Variants in KCNQ1 observed in about 807,000 individuals in gnomAD.
KCNQ1 encodes potassium voltage-gated channel subfamily KQT member 1.
KCNQ1 carries 49 observed loss-of-function variants against 72.4 expected under a neutral mutation model. That is an observed-to-expected ratio of 0.68 (90% CI 0.54 to 0.86). The LOEUF is 0.86. KCNQ1 is among the 40% of genes least tolerant of loss of function. The pLI is 0.00. For missense variants in KCNQ1, 790 were observed against 945.1 expected, an observed-to-expected ratio of 0.84 and a Z score of 2.15; for synonymous variants, 450 against 412.6, an observed-to-expected ratio of 1.09 and a Z score of -1.10.
chr11:2,805,990 C>T (rs1590101390), intron 15 of KCNQ1, among the ~76,000 whole-genome samples: 1 of 152,160 alleles, frequency 6.6e-6, no homozygotes, highest in South Asian at 2.1e-4. Context: ...GCAGCATTTG[C>T]GGGATGTTGG....
At chr11:2,571,242 C>T (rs1848328527) in intron 3 of KCNQ1, 83 bp from the exon 4 acceptor site, 1 of 1,176,746 alleles carries the variant, frequency 8.5e-7, no homozygotes, top group Admixed American at 1.7e-5. Context: ...GCCCCTTCCC[C>T]AGACGAGAGC....
intron 15 of KCNQ1, among the ~76,000 whole-genome samples, chr11:2,802,763 G>T (rs888246589): frequency 6.6e-6 from 1 of 152,124 alleles, no homozygotes; most frequent in Non-Finnish European, 1.5e-5. Flanking sequence ...CTGCGAGCTA[G>T]AGGGGAGAAG....
At position 2,654,232 on chromosome 11, in the gene KCNQ1, C is replaced by A; in HGVS notation, c.1394-7729C>A. On this transcript the variant is annotated intron_variant, in intron 10 of 15. Coordinates refer to ENST00000155840, the MANE Select transcript of KCNQ1 (RefSeq NM_000218.3). This position sits in a 1 kb window ranked among gnomAD's most constrained non-coding sequence, Gnocchi z 6.4. ...GGGCCTGGCTGCAGCTGTCCGGATGCCCCTGGGGAGGGCTTCTCCTTCACA... is the reference window on the plus strand; with the variant it reads ...GGGCCTGGCTGCAGCTGTCCGGATGACCCTGGGGAGGGCTTCTCCTTCACA... 1 of 398,700 alleles carries A rather than the reference C, an allele frequency of 2.5e-6. No homozygotes were observed. Among genetic ancestry groups the A allele is most frequent in the Non-Finnish European group, 4.4e-6 (1 of 226,188 alleles). The allele number at this position is 398,700 out of a possible 1,614,324, so 24.7% of individuals were successfully genotyped here.
At position 2,848,517 on chromosome 11, in the gene KCNQ1, C is replaced by T. The variant is rs1344840118; in HGVS notation, c.*514C>T. Reference sequence around the variant, plus strand: ...AAAGCCCAGGAGCCCATTTGGAGGGCCTGGGCCTGGCTCCCTCACTCTCAG... The same window carrying T: ...AAAGCCCAGGAGCCCATTTGGAGGGTCTGGGCCTGGCTCCCTCACTCTCAG... On this transcript the variant is annotated 3_prime_UTR_variant, in exon 16 of 16. Coordinates refer to ENST00000155840, the MANE Select transcript of KCNQ1 (RefSeq NM_000218.3). 6 of 454,860 alleles carry T rather than the reference C, an allele frequency of 1.3e-5. No individual in the cohort carries two copies. The highest frequency in any genetic ancestry group is 1.8e-5 in the Non-Finnish European group (4 of 227,340). 28.2% of individuals were successfully genotyped at this position (454,860 alleles called of 1,614,324 possible). A position where few individuals can be genotyped will look rare whatever the true frequency, so the allele number is the denominator to read the frequency against.
At chr11:2,840,502 T>C (rs1032756170) in intron 15 of KCNQ1, 1 of 142,738 alleles carries the variant, frequency 7.0e-6, no homozygotes, top group Non-Finnish European at 1.5e-5. Flanking sequence ...ATTTAGGGGG[T>C]AAAACACAAA....
In KCNQ1 at chr11:2,671,100, GTC is replaced by G; in HGVS notation, c.1514+9021_1514+9022del. 7.9e-6 allele frequency: 1 copy of G among 126,418 alleles called. No homozygotes were observed. Among genetic ancestry groups the G allele is most frequent in the South Asian group, 7.6e-4 (1 of 1,310 alleles). 7.8% of individuals were successfully genotyped at this position (126,418 alleles called of 1,614,324 possible). On this transcript the variant is annotated intron_variant, in intron 11 of 15. Transcript: ENST00000155840. The surrounding 1 kb of genome is among the most constrained non-coding windows in gnomAD (Gnocchi z 4.7). ...CTAGCAGGAGGAAGTCTGGCAGTTAGTCTGAGCAGTTAGTCTGTCAGGCCTGG... is the reference window on the plus strand; with the variant it reads ...CTAGCAGGAGGAAGTCTGGCAGTTAGTGAGCAGTTAGTCTGTCAGGCCTGG...
At chr11:2,545,110 G>A (rs1392355748) in intron 2 of KCNQ1, among the ~76,000 whole-genome samples, 2 of 152,128 alleles carry the variant, frequency 1.3e-5, no homozygotes, top group Non-Finnish European at 2.9e-5. Context: ...CATTTTCACA[G>A]GTTCTGTATT....
chr11:2,740,924 C>T (rs924836073), intron 11 of KCNQ1, among the ~76,000 whole-genome samples: 1 of 152,228 alleles, frequency 6.6e-6, no homozygotes, highest in Non-Finnish European at 1.5e-5. Context: ...CCCCATTGCA[C>T]GATCAGCTGC....
chr11:2,657,510 G>A lies in KCNQ1; in HGVS notation c.1394-4451G>A, dbSNP rs935566717. On this transcript the variant is annotated intron_variant, in intron 10 of 15. Coordinates refer to ENST00000155840, the MANE Select transcript of KCNQ1 (RefSeq NM_000218.3). This position sits in a 1 kb window ranked among gnomAD's most constrained non-coding sequence, Gnocchi z 4.8. ...CCTCACATTTTTTATTTACAGAAGA[G>A]AAACAAAAATAGTACCGAGTACCCA... 1 of 398,508 alleles carries A rather than the reference G, an allele frequency of 2.5e-6. No homozygotes were observed. Among genetic ancestry groups the A allele is most frequent in the Non-Finnish European group, 4.4e-6 (1 of 226,028 alleles). The allele number at this position is 398,508 out of a possible 1,614,324, so 24.7% of individuals were successfully genotyped here. A position where few individuals can be genotyped will look rare whatever the true frequency, so the allele number is the denominator to read the frequency against.
At chr11:2,619,980 T>C (rs1055325134) in intron 10 of KCNQ1, 1 of 398,216 alleles carries the variant, frequency 2.5e-6, no homozygotes, top group Non-Finnish European at 4.4e-6. Context: ...GTAGTGAGCA[T>C]AGTACCCAAT....
At position 2,712,273 on chromosome 11, in the gene KCNQ1, G is replaced by A. The variant is rs1488393201; in HGVS notation, c.1514+50192G>A. ...ACTAGATGTGGGAGTTACCGTGTGG[G>A]ATGGACTGACACTGGTGACCCCTGC... is the stretch of plus-strand genomic sequence containing the variant. On this transcript the variant is annotated intron_variant, in intron 11 of 15. Coordinates refer to ENST00000155840, the MANE Select transcript of KCNQ1 (RefSeq NM_000218.3). This position sits in a 1 kb window ranked among gnomAD's most constrained non-coding sequence, Gnocchi z 6.4. Among the ~76,000 whole-genome samples the A allele has an allele frequency of 6.6e-6, 1 of 152,122 alleles. No homozygotes were observed. Among genetic ancestry groups the A allele is most frequent in the African/African-American group, 2.4e-5 (1 of 41,422 alleles).
chr11:2,692,009 G>C (rs933516430), intron 11 of KCNQ1: 2 of 398,554 alleles, frequency 5.0e-6, no homozygotes, highest in Non-Finnish European at 8.8e-6. Flanking sequence ...AGCACCAAGG[G>C]CTTCCAGACC....
At chr11:2,628,087 T>C (rs1439945649) in intron 10 of KCNQ1, 13 of 398,516 alleles carry the variant, frequency 3.3e-5, no homozygotes, top group Non-Finnish European at 5.8e-5. Context: ...ACTGTAACAC[T>C]ACAATGAACA....
chr11:2,560,019 G>A (rs1000787688), intron 2 of KCNQ1, among the ~76,000 whole-genome samples: 1 of 150,606 alleles, frequency 6.6e-6, no homozygotes, highest in Non-Finnish European at 1.5e-5. Context: ...TGTGGGGAGA[G>A]GCAGCGTCCC....
At chr11:2,528,145 C>T in intron 2 of KCNQ1, 127 bp downstream of exon 2, 1 of 843,200 alleles carries the variant, frequency 1.2e-6, no homozygotes, top group Non-Finnish European at 2.0e-6. Context: ...ATTGGTCCTG[C>T]CCTGATACAG....
chr11:2,813,962 G>T lies in KCNQ1; in HGVS notation c.1795-33805G>T, dbSNP rs912148700. Among the ~76,000 whole-genome samples the T allele has an allele frequency of 6.6e-6, 1 of 152,038 alleles. No individual in the cohort carries two copies. The highest frequency in any genetic ancestry group is 2.4e-5 in the African/African-American group (1 of 41,366). On this transcript the variant is annotated intron_variant, in intron 15 of 15. Coordinates refer to ENST00000155840, the MANE Select transcript of KCNQ1 (RefSeq NM_000218.3). The surrounding 1 kb of genome is among the most constrained non-coding windows in gnomAD (Gnocchi z 4.4). ...TGAATGGATAAAGAGGTGAAAGGAT[G>T]AATAGAGAGATGGAGGGAAGGAGGG...
intron 1 of KCNQ1, among the ~76,000 whole-genome samples, chr11:2,469,263 G>GT (rs113964559): frequency 0.021 from 3,120 of 145,278 alleles, 52 homozygotes; most frequent in African/African-American, 0.056. Context: ...GAATTCAAGA[G>GT]TTTTTTTTTT....
At chr11:2,738,602 C>T (rs1050148627) in intron 11 of KCNQ1, among the ~76,000 whole-genome samples, 1 of 152,198 alleles carries the variant, frequency 6.6e-6, no homozygotes, top group Non-Finnish European at 1.5e-5. Flanking sequence ...TGTCCCATCC[C>T]TCCTGGGCCC....
Position 2,652,005 on chromosome 11 carries a change from A to T in KCNQ1, c.1394-9956A>T, listed in dbSNP as rs989318257. ...ACTTTTGACATCAGTTGTTAACATAATTTTGATGTTGAGCCTCCCCCCAGT... is the reference window on the plus strand; with the variant it reads ...ACTTTTGACATCAGTTGTTAACATATTTTTGATGTTGAGCCTCCCCCCAGT... On this transcript the variant is annotated intron_variant, in intron 10 of 15. Coordinates refer to ENST00000155840, the MANE Select transcript of KCNQ1 (RefSeq NM_000218.3). This position sits in a 1 kb window ranked among gnomAD's most constrained non-coding sequence, Gnocchi z 5.9. The T allele has an allele frequency of 1.8e-5, 7 of 398,484 alleles. No homozygotes were observed. The South Asian group carries it at 8.9e-4, about 51-fold the overall frequency. 24.7% of individuals were successfully genotyped at this position (398,484 alleles called of 1,614,324 possible). A position where few individuals can be genotyped will look rare whatever the true frequency, so the allele number is the denominator to read the frequency against.
Sources: gnomAD v4.1 joint callset for allele counts (sites outside exome capture counted in the v4.1 genomes callset) on GRCh38, gnomAD v4.1.1 for gene constraint, Gnocchi (gnomAD v3.1) non-coding constraint, MANE v1.5 for transcripts, NCBI Gene and HGNC (gene_info 2026-07-23, HGNC 2026-07-21) for gene names.